DNM3: variants seen among roughly 807,000 people sequenced by gnomAD.
The protein encoded by DNM3 is dynamin 3, also known as dynamin-3.
A neutral mutation model predicts 101.6 loss-of-function variants in DNM3; 47 were observed. That is an observed-to-expected ratio of 0.46 (90% CI 0.37 to 0.59). DNM3 has a LOEUF of 0.59. Among genes scored for constraint, DNM3 ranks in the 20% least tolerant of loss-of-function variants. The pLI, the probability that DNM3 is intolerant of heterozygous loss-of-function variation, is 0.00. For missense variants in DNM3, 849 were observed against 1,085.7 expected (o/e 0.78, Z 3.06); for synonymous variants, 385 against 387.9 (o/e 0.99, Z 0.09).
At chr1:171,984,343 C>T (rs868337895) in intron 2 of DNM3, among the ~76,000 whole-genome samples, 3 of 152,144 alleles carry the variant, frequency 2.0e-5, no homozygotes, top group Non-Finnish European at 2.9e-5. Flanking sequence ...AAATGGTCCA[C>T]GGGCCCTCCA....
intron 13 of DNM3, among the ~76,000 whole-genome samples, chr1:172,119,878 T>C (rs1006231770): frequency 6.6e-6 from 1 of 152,196 alleles, no homozygotes; most frequent in Admixed American, 6.5e-5. Context: ...CCATATCCAA[T>C]TTATCATTGT....
At chr1:172,085,075 A>G (rs560276704) in intron 12 of DNM3, among the ~76,000 whole-genome samples, 1 of 152,138 alleles carries the variant, frequency 6.6e-6, no homozygotes, top group East Asian at 1.9e-4. Context: ...TAAAATATGT[A>G]CCGTGTGTAA....
At chr1:172,267,557 A>G (rs1009788339) in intron 15 of DNM3, among the ~76,000 whole-genome samples, 32 of 146,478 alleles carry the variant, frequency 2.2e-4, no homozygotes, top group African/African-American at 7.1e-4. Context: ...GTCCTTTAAG[A>G]AAAAAAAAAG....
chr1:171,852,578 A>G (rs2125002893), intron 1 of DNM3, among the ~76,000 whole-genome samples: 1 of 152,328 alleles, frequency 6.6e-6, no homozygotes, highest in Non-Finnish European at 1.5e-5. Context: ...GTCAGAGAAT[A>G]GTTGGTGAGT....
rs117657047 is a variant in DNM3 at position 172,129,439 on chromosome 1, C to G, written c.1546-1736C>G. On this transcript the variant is annotated intron_variant, in intron 13 of 20. Coordinates refer to ENST00000627582, the MANE Select transcript of DNM3 (RefSeq NM_015569.5). ...ATGATTGTAATATAACTGGTAGAAA[C>G]CATACTGTATTAGTCTGTCTTCATG... Among the ~76,000 whole-genome samples, 22 of 152,124 alleles carry G rather than the reference C, an allele frequency of 1.4e-4. No individual in the cohort carries two copies. In the East Asian group the frequency reaches 4.2e-3, roughly 29 times the overall value.
rs1047123509 is a variant in DNM3, at chr1:172,411,603, A to T, written c.*3762A>T. The T allele has an allele frequency of 2.0e-6, 2 of 985,086 alleles. No homozygotes were observed. The highest frequency in any genetic ancestry group is 1.2e-6 in the Non-Finnish European group (1 of 829,786). The allele number at this position is 985,086 out of a possible 1,614,324, so 61.0% of individuals were successfully genotyped here. A position where few individuals can be genotyped will look rare whatever the true frequency, so the allele number is the denominator to read the frequency against. Reference sequence around the variant, plus strand: ...GATTTTTCTGAGTAAATTTGCTGAAAATATAAGAGAGAAGCTATCTAATAC... The same window carrying T: ...GATTTTTCTGAGTAAATTTGCTGAATATATAAGAGAGAAGCTATCTAATAC... On this transcript the variant is annotated 3_prime_UTR_variant, in exon 21 of 21. Coordinates refer to ENST00000627582, the MANE Select transcript of DNM3 (RefSeq NM_015569.5).
At position 172,171,471 on chromosome 1, in the gene DNM3, T is replaced by C. The variant is rs184974055; in HGVS notation, c.1659+40183T>C. On this transcript the variant is annotated intron_variant, in intron 14 of 20. Coordinates refer to ENST00000627582, the MANE Select transcript of DNM3 (RefSeq NM_015569.5). ...GAATGAGTTCCTCTGAGTAAAAAGT[T>C]ACATTTCGGAGAGGTATGACTGCAC... is the stretch of plus-strand genomic sequence containing the variant. Among the ~76,000 whole-genome samples the C allele has an allele frequency of 2.0e-3, 308 of 151,888 alleles. 2 individuals carry two copies. Among genetic ancestry groups the C allele is most frequent in the Middle Eastern group, 0.017 (5 of 294 alleles).
chr1:172,274,409 C>T (rs1243866440), intron 15 of DNM3, among the ~76,000 whole-genome samples: 1 of 152,036 alleles, frequency 6.6e-6, no homozygotes, highest in Non-Finnish European at 1.5e-5. Flanking sequence ...TTATCACCAA[C>T]AACATAAGCA....
intron 2 of DNM3, among the ~76,000 whole-genome samples, chr1:171,944,518 C>CGT (rs1188452517): frequency 6.6e-6 from 1 of 151,792 alleles, no homozygotes; most frequent in Non-Finnish European, 1.5e-5. Context: ...GGACCACAAG[C>CGT]GTGTGCCATC....
chr1:171,996,061 A>G (rs2045975978), intron 4 of DNM3, among the ~76,000 whole-genome samples: 1 of 152,162 alleles, frequency 6.6e-6, no homozygotes, highest in Non-Finnish European at 1.5e-5. Flanking sequence ...TCTATAAAAT[A>G]AGTATTATTA....
intron 13 of DNM3, among the ~76,000 whole-genome samples, chr1:172,117,690 A>G (rs1177223723): frequency 6.6e-6 from 1 of 152,172 alleles, no homozygotes; most frequent in Non-Finnish European, 1.5e-5. Flanking sequence ...GGGTCCCACA[A>G]GTATCATCTT....
At chr1:172,298,193 A>G (rs1232673935) in intron 15 of DNM3, among the ~76,000 whole-genome samples, 3 of 151,950 alleles carry the variant, frequency 2.0e-5, no homozygotes, top group East Asian at 3.9e-4. Context: ...GCTTTCCCCA[A>G]AGGTTCTCCT....
intron 1 of DNM3, among the ~76,000 whole-genome samples, chr1:171,877,410 A>G (rs531940156): frequency 7.9e-5 from 12 of 152,316 alleles, no homozygotes; most frequent in South Asian, 4.1e-4. Context: ...TATCAGTTGA[A>G]CTTATCTAAG....
At chr1:172,038,679 C>T (rs1380182051) in intron 7 of DNM3, among the ~76,000 whole-genome samples, 3 of 152,210 alleles carry the variant, frequency 2.0e-5, no homozygotes, top group Non-Finnish European at 2.9e-5. Context: ...CATCCTCATG[C>T]CCATTTAAAT....
intron 14 of DNM3, among the ~76,000 whole-genome samples, chr1:172,232,460 T>C (rs1238571261): frequency 1.3e-5 from 2 of 152,100 alleles, no homozygotes; most frequent in South Asian, 2.1e-4. Context: ...CACCCCACTG[T>C]CAACATAAGA....
intron 2 of DNM3, among the ~76,000 whole-genome samples, chr1:171,930,952 T>C (rs1448294989): frequency 6.6e-6 from 1 of 152,132 alleles, no homozygotes; most frequent in Non-Finnish European, 1.5e-5. Flanking sequence ...AAAAAGAGTA[T>C]ATCGCTTAGG....
chr1:171,871,943 AT>A (rs66674481), intron 1 of DNM3, among the ~76,000 whole-genome samples: 81,490 of 141,576 alleles, frequency 0.58, 22,980 homozygotes, highest in East Asian at 0.79. Flanking sequence ...AGAGGTAGTA[AT>A]TTTTTTTTTT....
intron 14 of DNM3, among the ~76,000 whole-genome samples, chr1:172,253,301 G>C (rs958533389): frequency 6.6e-6 from 1 of 152,024 alleles, no homozygotes; most frequent in Non-Finnish European, 1.5e-5. Flanking sequence ...CATTCCCCCC[G>C]CCATTTTTCC....
chr1:172,079,405 C>T (rs1023208852), intron 11 of DNM3, among the ~76,000 whole-genome samples: 4 of 151,770 alleles, frequency 2.6e-5, no homozygotes, highest in Non-Finnish European at 2.9e-5. Flanking sequence ...TCTGCTTGAT[C>T]GATTTGCCTA....
Sources: allele counts gnomAD v4.1 joint callset (sites outside exome capture counted in the v4.1 genomes callset), GRCh38; gene constraint gnomAD v4.1.1; transcripts MANE v1.5; gene names NCBI Gene and HGNC (gene_info 2026-07-23, HGNC 2026-07-21).